Variants in PARD3B observed in about 807,000 individuals in gnomAD.
PARD3B encodes the protein par-3 family cell polarity regulator beta, also known as partitioning defective 3 homolog B.
Under a neutral mutation model 130.2 loss-of-function variants are expected in PARD3B, and 103 were observed. That is an observed-to-expected ratio of 0.79 (90% CI 0.67 to 0.93). The LOEUF is 0.93. Ranked by LOEUF, PARD3B falls within the 40% of genes least tolerant of loss-of-function variation. PARD3B has a pLI of 0.00. For missense variants in PARD3B, 1,609 were observed against 1,499.2 expected (o/e 1.07, Z -1.21); for synonymous variants, 583 against 553.2 (o/e 1.05, Z -0.76).
At chr2:205,604,758 G>T (rs1013082749) in intron 22 of PARD3B, among the ~76,000 whole-genome samples, 2 of 152,154 alleles carry the variant, frequency 1.3e-5, no homozygotes, top group Admixed American at 6.5e-5. Context: ...GTCCTGTCTT[G>T]TTAGGTTGGG....
At chr2:205,211,734 A>G (rs2037647656) in intron 15 of PARD3B, among the ~76,000 whole-genome samples, 1 of 152,068 alleles carries the variant, frequency 6.6e-6, no homozygotes, top group Admixed American at 6.6e-5. Context: ...TAGAGATCAA[A>G]TTGGAAACTG....
intron 19 of PARD3B, among the ~76,000 whole-genome samples, chr2:205,417,773 A>G (rs976975958): frequency 4.3e-4 from 65 of 152,142 alleles, no homozygotes; most frequent in Non-Finnish European, 1.0e-4. Flanking sequence ...GAAACACAGA[A>G]ATTTTTCTGA....
chr2:205,158,898 T>A lies in PARD3B; in HGVS notation c.1611T>A (p.Ala537=). ...TCAAATCCATCATTCATGGAGGCGC[T>A]GCTTTTAAGGTGGGTAGGAATGACA... ...IFIKSIIHGG[A]AFKDGRLRMN... The change falls in exon 11 of 23, where the codon GCT becomes GCA. Residue 537 remains alanine (A), a synonymous_variant. Coordinates refer to ENST00000406610, the MANE Select transcript of PARD3B (RefSeq NM_001302769.2). The surrounding 1 kb of genome is among the most constrained non-coding windows in gnomAD (Gnocchi z 5.4). The A allele has an allele frequency of 6.2e-7, 1 of 1,613,816 alleles. No individual in the cohort carries two copies. The highest frequency in any genetic ancestry group is 8.5e-7 in the Non-Finnish European group (1 of 1,180,006).
Position 205,615,925 on chromosome 2 carries a change from A to T in PARD3B, c.*112A>T, listed in dbSNP as rs556025336. On this transcript the variant is annotated 3_prime_UTR_variant, in exon 23 of 23. Coordinates refer to ENST00000406610, the MANE Select transcript of PARD3B (RefSeq NM_001302769.2). ...TTAGGAATTCTCCATGTTACTGATA[A>T]GCTTTTTCTCACTGACATTGTAACG... 1 of 938,290 alleles carries T rather than the reference A, an allele frequency of 1.1e-6. No homozygotes were observed. The highest frequency in any genetic ancestry group is 2.5e-5 in the East Asian group (1 of 40,572). The allele number at this position is 938,290 out of a possible 1,614,324, so 58.1% of individuals were successfully genotyped here. A position where few individuals can be genotyped will look rare whatever the true frequency, so the allele number is the denominator to read the frequency against.
At chr2:204,889,077 T>G (rs1180805445) in intron 2 of PARD3B, among the ~76,000 whole-genome samples, 1 of 152,114 alleles carries the variant, frequency 6.6e-6, no homozygotes, top group Admixed American at 6.5e-5. Flanking sequence ...GCTTCTGGTG[T>G]TGTTCTCTCA....
At chr2:204,567,464 A>G (rs1237949153) in intron 1 of PARD3B, among the ~76,000 whole-genome samples, 1 of 152,148 alleles carries the variant, frequency 6.6e-6, no homozygotes, top group African/African-American at 2.4e-5. Context: ...ATCGTGCACT[A>G]TCTGTCCTTT....
At chr2:205,303,446 T>C (rs2042082963) in intron 18 of PARD3B, among the ~76,000 whole-genome samples, 1 of 152,178 alleles carries the variant, frequency 6.6e-6, no homozygotes, top group Non-Finnish European at 1.5e-5. Flanking sequence ...TGAGTCTCCT[T>C]ACCCCGGCTG....
intron 2 of PARD3B, among the ~76,000 whole-genome samples, chr2:204,729,998 A>AACACACACACACACAC (rs3036396): frequency 3.5e-5 from 5 of 141,460 alleles, no homozygotes; most frequent in South Asian, 4.6e-4. Flanking sequence ...CACACACACA[A>AACACACACACACACAC]ACACACACAC....
intron 3 of PARD3B, among the ~76,000 whole-genome samples, chr2:205,029,664 A>G (rs1398219079): frequency 1.3e-5 from 2 of 152,172 alleles, no homozygotes; most frequent in Non-Finnish European, 2.9e-5. Flanking sequence ...ATGCATTAGT[A>G]TGTATCTTTA....
At chr2:205,607,236 T>C (rs955975033) in intron 22 of PARD3B, among the ~76,000 whole-genome samples, 2 of 143,832 alleles carry the variant, frequency 1.4e-5, no homozygotes, top group African/African-American at 5.0e-5. Context: ...AAAGTACCCA[T>C]TGGAAAAAAA....
chr2:205,388,405 TAGG>T (rs1354801491), intron 18 of PARD3B, among the ~76,000 whole-genome samples: 4 of 152,114 alleles, frequency 2.6e-5, no homozygotes, highest in African/African-American at 9.7e-5. Flanking sequence ...GACAAGCAAA[TAGG>T]AGGCTGATGC....
At chr2:205,364,845 T>C (rs2044539094) in intron 18 of PARD3B, among the ~76,000 whole-genome samples, 1 of 152,172 alleles carries the variant, frequency 6.6e-6, no homozygotes, top group Non-Finnish European at 1.5e-5. Flanking sequence ...TCAAGAAGCA[T>C]GGAAGGTTGC....
intron 2 of PARD3B, among the ~76,000 whole-genome samples, chr2:204,851,661 T>A (rs2044710941): frequency 6.6e-6 from 1 of 152,180 alleles, no homozygotes; most frequent in Admixed American, 6.6e-5. Flanking sequence ...ATGGGCACAT[T>A]GCAATAAAAT....
At chr2:204,926,778 G>A (rs1687655517) in intron 2 of PARD3B, among the ~76,000 whole-genome samples, 2 of 151,994 alleles carry the variant, frequency 1.3e-5, no homozygotes, top group African/African-American at 4.8e-5. Context: ...ATATTCAATT[G>A]TATAGCATAC....
At chr2:204,694,684 G>A (rs1252010645) in intron 2 of PARD3B, among the ~76,000 whole-genome samples, 1 of 152,040 alleles carries the variant, frequency 6.6e-6, no homozygotes, top group East Asian at 1.9e-4. Context: ...TATAGCTAAG[G>A]CAAATAGTGT....
intron 1 of PARD3B, among the ~76,000 whole-genome samples, chr2:204,619,714 A>G (rs1252890297): frequency 6.6e-6 from 1 of 152,222 alleles, no homozygotes; most frequent in Non-Finnish European, 1.5e-5. Context: ...GCCCTACACA[A>G]GCAAGAGTTA....
chr2:205,413,489 G>A (rs990199349), intron 19 of PARD3B, among the ~76,000 whole-genome samples: 3 of 152,110 alleles, frequency 2.0e-5, no homozygotes, highest in African/African-American at 4.8e-5. Context: ...CTATAAAACC[G>A]TACTGATTTT....
At chr2:204,798,193 C>T (rs2042440234) in intron 2 of PARD3B, among the ~76,000 whole-genome samples, 1 of 152,152 alleles carries the variant, frequency 6.6e-6, no homozygotes, top group African/African-American at 2.4e-5. Context: ...ACTCCCTCAT[C>T]CCCCAGCAGC....
At chr2:204,581,368 A>G (rs573794429) in intron 1 of PARD3B, among the ~76,000 whole-genome samples, 3 of 152,326 alleles carry the variant, frequency 2.0e-5, no homozygotes, top group South Asian at 2.1e-4. Context: ...CATAGTCATT[A>G]AAGCCTTGCC....
Sources: allele counts gnomAD v4.1 joint callset (sites outside exome capture counted in the v4.1 genomes callset), GRCh38; gene constraint gnomAD v4.1.1; non-coding constraint Gnocchi (gnomAD v3.1); transcripts MANE v1.5; gene names NCBI Gene and HGNC (gene_info 2026-07-23, HGNC 2026-07-21).